Variants in PITPNM2 observed in about 807,000 individuals in gnomAD.
PITPNM2 encodes membrane-associated phosphatidylinositol transfer protein 2.
Under a neutral mutation model 132.2 loss-of-function variants are expected in PITPNM2, and 35 were observed. That is an observed-to-expected ratio of 0.26 (90% CI 0.20 to 0.35). The LOEUF is 0.35. Among genes scored for constraint, PITPNM2 ranks in the 10% least tolerant of loss-of-function variants. The probability of loss-of-function intolerance (pLI) is 1.00; values close to 1 mark genes in which losing one functional copy is unlikely to be tolerated. For missense variants in PITPNM2, 1,332 were observed against 1,912.0 expected, an observed-to-expected ratio of 0.70 and a Z score of 5.66; for synonymous variants, 738 against 799.2, an observed-to-expected ratio of 0.92 and a Z score of 1.29.
At position 123,106,815 on chromosome 12, in the gene PITPNM2, C is replaced by A. The variant is rs2042725409; in HGVS notation, c.-96+3570G>T. 6.6e-6 allele frequency among the ~76,000 whole-genome samples: 1 copy of A among 152,252 alleles called. No homozygotes were observed. The highest frequency in any genetic ancestry group is 1.5e-5 in the Non-Finnish European group (1 of 68,046). On this transcript the variant is annotated intron_variant, in intron 2 of 25. Transcript: ENST00000320201. This position sits in a 1 kb window ranked among gnomAD's most constrained non-coding sequence, Gnocchi z 4.4. The stretch of plus-strand genomic sequence containing the variant: ...GCCCTCTACTTCCTCTCCATAACCT[C>A]CCCATGCTCTGGGCTCTCTGGGCAG...
In PITPNM2 at chr12:123,005,099, C is replaced by A; in HGVS notation, c.952+141G>T. The A allele has an allele frequency of 9.4e-7, 1 of 1,065,034 alleles. No homozygotes were observed. Among genetic ancestry groups the A allele is most frequent in the Non-Finnish European group, 1.4e-6 (1 of 737,646 alleles). The allele number at this position is 1,065,034 out of a possible 1,614,324, so 66.0% of individuals were successfully genotyped here. Reference sequence around the variant, plus strand: ...GCTTCCCTGTGTGCGAGGACTAGCCCAGGGCTCTGACTCCCTCTGGGCTTG... The same window carrying A: ...GCTTCCCTGTGTGCGAGGACTAGCCAAGGGCTCTGACTCCCTCTGGGCTTG... On this transcript the variant is annotated intron_variant, in intron 7 of 25. Coordinates refer to ENST00000320201, the MANE Select transcript of PITPNM2 (RefSeq NM_020845.3). This position sits in a 1 kb window ranked among gnomAD's most constrained non-coding sequence, Gnocchi z 6.2.
Position 122,992,068 on chromosome 12 carries a change from C to T in PITPNM2, c.2404+431G>A, listed in dbSNP as rs1365738276. On this transcript the variant is annotated intron_variant, in intron 16 of 25. Coordinates refer to ENST00000320201, the MANE Select transcript of PITPNM2 (RefSeq NM_020845.3). This position sits in a 1 kb window ranked among gnomAD's most constrained non-coding sequence, Gnocchi z 6.5. Reference sequence around the variant, plus strand: ...CAAGCCTACCTGGACCTCCCCTGCCCCAACGCATCTCCTGCACCCTATCTC... The same window carrying T: ...CAAGCCTACCTGGACCTCCCCTGCCTCAACGCATCTCCTGCACCCTATCTC... 6.6e-6 allele frequency among the ~76,000 whole-genome samples: 1 copy of T among 151,992 alleles called. No homozygotes were observed. The highest frequency in any genetic ancestry group is 1.5e-5 in the Non-Finnish European group (1 of 67,978).
chr12:123,039,066 C>T (rs1480428014), intron 2 of PITPNM2, among the ~76,000 whole-genome samples: 1 of 151,374 alleles, frequency 6.6e-6, no homozygotes, highest in Non-Finnish European at 1.5e-5. Flanking sequence ...GAAGGAACAG[C>T]GTGAGCAAAG....
intron 3 of PITPNM2, among the ~76,000 whole-genome samples, chr12:123,027,537 G>A (rs1297211124): frequency 2.6e-5 from 4 of 152,204 alleles, no homozygotes; most frequent in Non-Finnish European, 4.4e-5. Context: ...TCTGAGCCTC[G>A]AGCTGTCATC....
At chr12:123,145,965 C>T (rs1295451139) in intron 1 of PITPNM2, among the ~76,000 whole-genome samples, 1 of 152,058 alleles carries the variant, frequency 6.6e-6, no homozygotes, top group Non-Finnish European at 1.5e-5. Context: ...GTATAGAATA[C>T]TATACAGTCA....
At position 123,058,094 on chromosome 12, in the gene PITPNM2, C is replaced by A. The variant is rs1422894226; in HGVS notation, c.-95-23409G>T. ...GACCTTTTACTCTTCAAAGTACTTACGAACCCACGTTCTTCACTTCTTCTT... is the reference window on the plus strand; with the variant it reads ...GACCTTTTACTCTTCAAAGTACTTAAGAACCCACGTTCTTCACTTCTTCTT... On this transcript the variant is annotated intron_variant, in intron 2 of 25. Transcript: ENST00000320201. This position sits in a 1 kb window ranked among gnomAD's most constrained non-coding sequence, Gnocchi z 4.0. Among the ~76,000 whole-genome samples the A allele has an allele frequency of 1.3e-5, 2 of 152,226 alleles. No homozygotes were observed.
At chr12:123,041,156 G>A (rs2040458281) in intron 2 of PITPNM2, among the ~76,000 whole-genome samples, 1 of 152,166 alleles carries the variant, frequency 6.6e-6, no homozygotes, top group Admixed American at 6.5e-5. Context: ...TTGTCTTCTG[G>A]GGGTAAGAAC....
At chr12:123,101,099 A>G (rs561682638) in intron 2 of PITPNM2, among the ~76,000 whole-genome samples, 95 of 152,338 alleles carry the variant, frequency 6.2e-4, no homozygotes, top group Middle Eastern at 6.8e-3. Flanking sequence ...TGAGCACCTA[A>G]TAAGTGCCTG....
chr12:123,104,388 C>T (rs992106133), intron 2 of PITPNM2, among the ~76,000 whole-genome samples: 1 of 152,212 alleles, frequency 6.6e-6, no homozygotes, highest in East Asian at 1.9e-4. Context: ...TGAAGAATCA[C>T]AAAAGAAGTG....
At chr12:123,029,395 G>C (rs2039989340) in intron 3 of PITPNM2, among the ~76,000 whole-genome samples, 1 of 152,186 alleles carries the variant, frequency 6.6e-6, no homozygotes. Flanking sequence ...AGACCAGCCT[G>C]GCCAACATGG....
At chr12:123,010,197 C>A (rs1025854553) in intron 5 of PITPNM2, 120 bp from the exon 6 acceptor site, 5 of 791,512 alleles carry the variant, frequency 6.3e-6, no homozygotes, top group East Asian at 2.6e-5. Context: ...GCCAGAGGGA[C>A]CCTGGGAGTG....
rs985664320 is a variant in PITPNM2 at position 123,008,494 on chromosome 12, C to T, written c.643+1356G>A. Among the ~76,000 whole-genome samples the T allele has an allele frequency of 6.6e-6, 1 of 152,208 alleles. No individual in the cohort carries two copies. ...CATGCTCCTCCACTCCTCATATTGC[C>T]TGGGAAGTGAGAACCACCATTCCCA... On this transcript the variant is annotated intron_variant, in intron 6 of 25. Coordinates refer to ENST00000320201, the MANE Select transcript of PITPNM2 (RefSeq NM_020845.3). The surrounding 1 kb of genome is among the most constrained non-coding windows in gnomAD (Gnocchi z 4.1).
rs1350773905 is a variant in PITPNM2, at chr12:123,077,226, G to A, written c.-96+33159C>T. On this transcript the variant is annotated intron_variant, in intron 2 of 25. Coordinates refer to ENST00000320201, the MANE Select transcript of PITPNM2 (RefSeq NM_020845.3). This position sits in a 1 kb window ranked among gnomAD's most constrained non-coding sequence, Gnocchi z 4.8. ...CTCTGCCTGAAGCCAGCCAGCAGAC[G>A]ATCCTCCCTACACCACCTTCTTGGA... Among the ~76,000 whole-genome samples, 1 of 152,102 alleles carries A rather than the reference G, an allele frequency of 6.6e-6. No individual in the cohort carries two copies. Among genetic ancestry groups the A allele is most frequent in the Non-Finnish European group, 1.5e-5 (1 of 68,014 alleles).
At chr12:123,069,503 C>G (rs555356214) in intron 2 of PITPNM2, among the ~76,000 whole-genome samples, 15 of 152,276 alleles carry the variant, frequency 9.9e-5, no homozygotes, top group African/African-American at 2.9e-4. Context: ...CTCTCCTGGG[C>G]TTGCTGGGGT....
In PITPNM2 at chr12:123,031,818, G is replaced by A. The variant is rs544361628; in HGVS notation, c.78+2695C>T. Among the ~76,000 whole-genome samples the A allele has an allele frequency of 5.3e-5, 8 of 152,304 alleles. No individual in the cohort carries two copies. Among genetic ancestry groups the A allele is most frequent in the African/African-American group, 1.2e-4 (5 of 41,562 alleles). ...TTTCTTTTTTAACAGGAAAGCAGAC[G>A]TGTGCACACATGCTTGCTCACCCAG... On this transcript the variant is annotated intron_variant, in intron 3 of 25. Coordinates refer to ENST00000320201, the MANE Select transcript of PITPNM2 (RefSeq NM_020845.3). This position sits in a 1 kb window ranked among gnomAD's most constrained non-coding sequence, Gnocchi z 4.5.
At chr12:123,040,588 AT>A (rs1419563242) in intron 2 of PITPNM2, among the ~76,000 whole-genome samples, 12 of 152,192 alleles carry the variant, frequency 7.9e-5, no homozygotes, top group African/African-American at 2.9e-4. Context: ...AGCAACTCCC[AT>A]TTCACTTGAG....
rs766131971 is a variant in PITPNM2 at position 122,986,194 on chromosome 12, G to T, written c.3883C>A (p.Arg1295Ser). ...CCGCTGGGCTGGGCCGAGATGGTGCGAAGCAGGTGGTTCCGGGAGCGCAGA... is the reference window on the plus strand; with the variant it reads ...CCGCTGGGCTGGGCCGAGATGGTGCTAAGCAGGTGGTTCCGGGAGCGCAGA... ...DFLRSRNHLLRTISAQPSGPS... is the reference protein window; with the variant it reads ...DFLRSRNHLLSTISAQPSGPS... Residue 1295 changes from arginine (R) to serine (S), a missense_variant, in exon 26 of 26, where the codon CGC (arginine) becomes AGC (serine). Physicochemically the swap from Arg to Ser is moderately radical, Grantham distance 110. Transcript: ENST00000320201. The T allele has an allele frequency of 6.4e-7, 1 of 1,554,578 alleles. No individual in the cohort carries two copies. The highest frequency in any genetic ancestry group is 1.9e-5 in the Admixed American group (1 of 52,132).
intron 1 of PITPNM2, among the ~76,000 whole-genome samples, chr12:123,135,103 C>T (rs567277755): frequency 6.6e-6 from 1 of 152,178 alleles, no homozygotes; most frequent in Middle Eastern, 3.4e-3. Context: ...CTGGAAACGC[C>T]CCACACCAGC....
chr12:123,075,742 T>C (rs1260294), intron 2 of PITPNM2: 23,494 of 152,322 alleles, frequency 0.15, 2,207 homozygotes, highest in Middle Eastern at 0.27. Flanking sequence ...AGTTATACTT[T>C]AGAGCAGCCG....
Sources: gnomAD v4.1 joint callset for allele counts (sites outside exome capture counted in the v4.1 genomes callset) on GRCh38, gnomAD v4.1.1 for gene constraint, Gnocchi (gnomAD v3.1) non-coding constraint, MANE v1.5 for transcripts, NCBI Gene and HGNC (gene_info 2026-07-23, HGNC 2026-07-21) for gene names.